The following GPR89A variants were observed in gnomAD, a reference collection of about 807,000 sequenced individuals.
The protein encoded by GPR89A is G protein-coupled receptor 89A.
In GPR89A, 16 loss-of-function variants were observed where a neutral mutation model predicts 52.0. The observed-to-expected ratio is 0.31, with a 90% CI of 0.21 to 0.47. The LOEUF (loss-of-function observed/expected upper bound fraction) is 0.47, where lower values mean the gene tolerates loss of function less well. GPR89A is among the 20% of genes least tolerant of loss of function. The pLI, the probability that GPR89A is intolerant of heterozygous loss-of-function variation, is 1.00. For synonymous variants in GPR89A, 55 were observed against 150.9 expected, an observed-to-expected ratio of 0.36 and a Z score of 4.66; for missense variants, 135 against 449.4, an observed-to-expected ratio of 0.30 and a Z score of 6.33.
chr1:145,657,314 C>T (rs1312309945), intron 10 of GPR89A, among the ~76,000 whole-genome samples: 1 of 147,984 alleles, frequency 6.8e-6, no homozygotes, highest in Non-Finnish European at 1.5e-5. Context: ...TCGCTTGAGC[C>T]CAGAAGTCCA....
At chr1:145,643,681 C>G (rs1481517401) in intron 7 of GPR89A, among the ~76,000 whole-genome samples, 188 bp from the exon 8 acceptor site, 1 of 148,806 alleles carries the variant, frequency 6.7e-6, no homozygotes, top group African/African-American at 2.5e-5. Flanking sequence ...GCTTCTTCAC[C>G]CAGGCCACAT....
chr1:145,628,163 G>A (rs1428628922), intron 5 of GPR89A, among the ~76,000 whole-genome samples: 2 of 151,520 alleles, frequency 1.3e-5, no homozygotes, highest in Non-Finnish European at 2.9e-5. Context: ...ATGACTCCAG[G>A]AATCTAAACA....
intron 10 of GPR89A, among the ~76,000 whole-genome samples, chr1:145,659,345 C>T (rs1268674514): frequency 4.6e-5 from 7 of 151,958 alleles, no homozygotes; most frequent in East Asian, 1.9e-4. Context: ...CAACCACTCC[C>T]GGCTAACTTT....
At position 145,658,663 on chromosome 1, in the gene GPR89A, T is replaced by C. The variant is rs1205140348; in HGVS notation, c.910-4666T>C. On this transcript the variant is annotated intron_variant, in intron 10 of 13. Coordinates refer to ENST00000313835, the MANE Select transcript of GPR89A (RefSeq NM_001097612.2). ...ATATTTTCTATGGCTGAATAATATC[T>C]ATTTCATTTTATAGGTACACCACAT... 1.2e-3 allele frequency among the ~76,000 whole-genome samples: 185 copies of C among 150,804 alleles called. 1 individual carries two copies. The highest frequency in any genetic ancestry group is 2.0e-3 in the Non-Finnish European group (137 of 67,740).
At chr1:145,646,034 C>T (rs1650963458) in intron 8 of GPR89A, 150 bp from the exon 9 acceptor site, 1 of 1,209,486 alleles carries the variant, frequency 8.3e-7, no homozygotes, top group East Asian at 2.3e-5. Flanking sequence ...GAAAGCTGCT[C>T]TGAAGTAGCG....
At chr1:145,632,563 A>G (rs1553690064) in intron 7 of GPR89A, among the ~76,000 whole-genome samples, 1 of 152,230 alleles carries the variant, frequency 6.6e-6, no homozygotes, top group East Asian at 1.9e-4. Context: ...TCAAGTTGTC[A>G]CAAATGAAAG....
At chr1:145,650,899 T>TGTCA (rs1298730447) in intron 10 of GPR89A, among the ~76,000 whole-genome samples, 18 of 152,210 alleles carry the variant, frequency 1.2e-4, no homozygotes, top group African/African-American at 3.9e-4. Flanking sequence ...ATTAGGCCTT[T>TGTCA]GTCAGATGGA....
chr1:145,662,401 A>G (rs1426494542), intron 10 of GPR89A, among the ~76,000 whole-genome samples: 5 of 151,986 alleles, frequency 3.3e-5, no homozygotes, highest in African/African-American at 1.2e-4. Context: ...ATTAATATAG[A>G]CATTCTAGCT....
Position 145,628,821 on chromosome 1 carries a change from A to G in GPR89A, c.416-1866A>G, listed in dbSNP as rs186588063. ...AACTGGAGGTGAAGAAAAGGTGACA[A>G]TAACTATAAACTTCTTTTAAGAAGC... is the stretch of plus-strand genomic sequence containing the variant. On this transcript the variant is annotated intron_variant, in intron 5 of 13. Transcript: ENST00000313835. Among the ~76,000 whole-genome samples, 36 of 152,368 alleles carry G rather than the reference A, an allele frequency of 2.4e-4. 1 individual carries two copies. In the East Asian group the frequency reaches 3.9e-3, roughly 16 times the overall value.
At chr1:145,645,344 G>C (rs1650909305) in intron 8 of GPR89A, 1 of 337,236 alleles carries the variant, frequency 3.0e-6, no homozygotes, top group Non-Finnish European at 5.8e-6. Flanking sequence ...GGAGGATTTA[G>C]ATTGAAGTAT....
At chr1:145,643,125 G>T (rs1553691992) in intron 7 of GPR89A, among the ~76,000 whole-genome samples, 2 of 148,444 alleles carry the variant, frequency 1.3e-5, no homozygotes, top group African/African-American at 5.0e-5. Flanking sequence ...TCTGTATTTG[G>T]TCCTTTAGTT....
At chr1:145,650,687 G>A (rs1470866301) in intron 10 of GPR89A, among the ~76,000 whole-genome samples, 17 of 151,604 alleles carry the variant, frequency 1.1e-4, no homozygotes, top group Non-Finnish European at 1.3e-4. Context: ...TCTGACTGGT[G>A]TGAGATGGTA....
chr1:145,621,194 ATGT>A (rs1209263472), intron 3 of GPR89A, among the ~76,000 whole-genome samples: 2 of 150,944 alleles, frequency 1.3e-5, no homozygotes, highest in African/African-American at 4.9e-5. Context: ...TCTTGAAAGG[ATGT>A]TGTTGATGAC....
intron 10 of GPR89A, among the ~76,000 whole-genome samples, chr1:145,661,887 CTTT>C (rs1260245521): frequency 6.7e-6 from 1 of 148,954 alleles, no homozygotes; most frequent in Non-Finnish European, 1.5e-5. Flanking sequence ...TTGATTTCTT[CTTT>C]GATTCATGGG....
intron 11 of GPR89A, 83 bp downstream of exon 11, chr1:145,663,507 T>C: frequency 6.4e-7 from 1 of 1,561,368 alleles, no homozygotes; most frequent in South Asian, 1.2e-5. Context: ...CTAATTTGTA[T>C]ACTTTAGGTA....
At chr1:145,626,707 T>C (rs1281825355) in intron 5 of GPR89A, among the ~76,000 whole-genome samples, 1 of 151,312 alleles carries the variant, frequency 6.6e-6, no homozygotes, top group African/African-American at 2.4e-5. Context: ...CCCAGCACTT[T>C]GGGAGGCCAA....
intron 10 of GPR89A, among the ~76,000 whole-genome samples, chr1:145,649,137 TAACTG>T (rs1201372773): frequency 2.6e-5 from 4 of 152,120 alleles, no homozygotes; most frequent in Non-Finnish European, 5.9e-5. Flanking sequence ...TATTGGGGTA[TAACTG>T]ATATGTAAAC....
intron 10 of GPR89A, among the ~76,000 whole-genome samples, chr1:145,658,068 G>C (rs1487805593): frequency 6.6e-6 from 1 of 150,588 alleles, no homozygotes; most frequent in African/African-American, 2.4e-5. Context: ...TCTATTTTCT[G>C]TCTCTGTAGA....
intron 1 of GPR89A, 70 bp downstream of exon 1, chr1:145,608,245 C>T: frequency 1.3e-6 from 2 of 1,599,830 alleles, no homozygotes; most frequent in South Asian, 1.1e-5. Context: ...CGGTCCTCCG[C>T]GGTGCGGGCT....
Sources: gnomAD v4.1 joint callset for allele counts (sites outside exome capture counted in the v4.1 genomes callset) on GRCh38, gnomAD v4.1.1 for gene constraint, MANE v1.5 for transcripts, NCBI Gene and HGNC (gene_info 2026-07-23, HGNC 2026-07-21) for gene names.